Variants in ZNF516 observed in about 807,000 individuals in gnomAD.
ZNF516 encodes zinc finger protein 516.
In ZNF516, 19 loss-of-function variants were observed where a neutral mutation model predicts 79.7. That is an observed-to-expected ratio of 0.24 (90% CI 0.17 to 0.35). The LOEUF is 0.35. Ranked by LOEUF, ZNF516 falls within the 10% of genes least tolerant of loss-of-function variation. ZNF516 has a pLI of 1.00. For missense variants in ZNF516, 1,678 were observed against 1,679.5 expected (o/e 1.00, Z 0.02); for synonymous variants, 877 against 739.5 (o/e 1.19, Z -3.02).
chr18:76,396,818 G>A (rs1469970810), intron 3 of ZNF516, among the ~76,000 whole-genome samples: 2 of 152,186 alleles, frequency 1.3e-5, no homozygotes, highest in Non-Finnish European at 2.9e-5. Flanking sequence ...CCGGAGCACC[G>A]CTGTCAGACG....
chr18:76,481,512 G>A (rs1159844835), intron 1 of ZNF516, among the ~76,000 whole-genome samples: 3 of 152,200 alleles, frequency 2.0e-5, no homozygotes, highest in Admixed American at 2.0e-4. Context: ...CATGACCAGG[G>A]TCGGACACTC....
Position 76,467,583 on chromosome 18 carries a change from G to A in ZNF516, c.-271-4442C>T, listed in dbSNP as rs2145709233. Among the ~76,000 whole-genome samples, 1 of 152,294 alleles carries A rather than the reference G, an allele frequency of 6.6e-6. No individual in the cohort carries two copies. The highest frequency in any genetic ancestry group is 2.1e-4 in the South Asian group (1 of 4,824). ...AGGAGGGGACAAGGCTTCGGAGGCT[G>A]GTGGTGGGGAGGTCCAAACCAGAGG... On this transcript the variant is annotated intron_variant, in intron 1 of 6. Transcript: ENST00000443185. The surrounding 1 kb of genome is among the most constrained non-coding windows in gnomAD (Gnocchi z 4.2).
Position 76,441,395 on chromosome 18 carries a change from C to A in ZNF516, c.1660G>T (p.Ala554Ser), listed in dbSNP as rs1178561161. ...RDSDGDRAAR[A>S]RCGSLSEGDS... ...CCCTCACTGAGTGATCCGCAGCGGGCCCGCGCCGCCCTGTCCCCGTCACTG... is the reference window on the plus strand; with the variant it reads ...CCCTCACTGAGTGATCCGCAGCGGGACCGCGCCGCCCTGTCCCCGTCACTG... The change falls in exon 3 of 7, where the codon GCC (alanine) becomes TCC (serine). Residue 554 changes from alanine to serine, a missense_variant. Physicochemically the swap from Ala to Ser is moderately conservative, Grantham distance 99 (BLOSUM62 1). This residue lies in a region of ZNF516 where 1,294 missense variants were observed against 1,248.3 expected (regional missense o/e 1.04). Coordinates refer to ENST00000443185, the MANE Select transcript of ZNF516 (RefSeq NM_014643.4). 3 of 1,609,218 alleles carry A rather than the reference C, an allele frequency of 1.9e-6. No individual in the cohort carries two copies. Among genetic ancestry groups the A allele is most frequent in the Non-Finnish European group, 2.5e-6 (3 of 1,178,530 alleles).
chr18:76,460,167 G>A (rs1913010432), intron 2 of ZNF516, among the ~76,000 whole-genome samples: 1 of 152,172 alleles, frequency 6.6e-6, no homozygotes, highest in Non-Finnish European at 1.5e-5. Context: ...TCCTAGTGCT[G>A]TTAGCAATCA....
At chr18:76,469,918 T>C (rs1913726515) in intron 1 of ZNF516, among the ~76,000 whole-genome samples, 1 of 152,232 alleles carries the variant, frequency 6.6e-6, no homozygotes, top group Admixed American at 6.5e-5. Flanking sequence ...CTCAAAATCA[T>C]TTGAAATGCT....
At chr18:76,445,916 G>A (rs986524037) in intron 2 of ZNF516, among the ~76,000 whole-genome samples, 12 of 152,360 alleles carry the variant, frequency 7.9e-5, no homozygotes, top group Admixed American at 5.2e-4. Context: ...CCTTCTTTCA[G>A]AGCAGCAGCT....
chr18:76,397,743 G>A (rs78877516), intron 3 of ZNF516, among the ~76,000 whole-genome samples: 178 of 152,214 alleles, frequency 1.2e-3, no homozygotes, highest in Non-Finnish European at 1.9e-3. Flanking sequence ...CTCTACAGGC[G>A]TGTGCTACCA....
At chr18:76,466,726 C>G (rs1913495667) in intron 1 of ZNF516, among the ~76,000 whole-genome samples, 1 of 152,208 alleles carries the variant, frequency 6.6e-6, no homozygotes, top group African/African-American at 2.4e-5. Context: ...CACGTGCCTA[C>G]AGTGGGGGCT....
At chr18:76,382,282 T>G (rs575189835) in intron 3 of ZNF516, among the ~76,000 whole-genome samples, 4 of 152,062 alleles carry the variant, frequency 2.6e-5, no homozygotes, top group Non-Finnish European at 5.9e-5. Context: ...AACATGGAAT[T>G]AAGTATATGA....
intron 2 of ZNF516, among the ~76,000 whole-genome samples, 179 bp downstream of exon 2, chr18:76,462,849 T>C (rs1599129837): frequency 6.6e-6 from 1 of 152,206 alleles, no homozygotes; most frequent in East Asian, 1.9e-4. Flanking sequence ...TTCCCAGTTA[T>C]GTGCTCTGGT....
chr18:76,386,181 G>A (rs1002085164), intron 3 of ZNF516: 1 of 152,250 alleles, frequency 6.6e-6, no homozygotes, highest in South Asian at 2.1e-4. Context: ...CTAAGGGAAG[G>A]TTGGGGGCCC....
At position 76,486,348 on chromosome 18, in the gene ZNF516, C is replaced by G. The variant is rs149898442; in HGVS notation, c.-272+8796G>C. On this transcript the variant is annotated intron_variant, in intron 1 of 6. Transcript: ENST00000443185. ...GTTAAATAGTACCATATGGCAAAGA[C>G]AGACACATGTTGCCCTTTTCTGAAA... Among the ~76,000 whole-genome samples, 6 of 149,496 alleles carry G rather than the reference C, an allele frequency of 4.0e-5. No homozygotes were observed. In the East Asian group the frequency reaches 9.9e-4, roughly 25 times the overall value.
At chr18:76,488,309 G>C (rs1914951262) in intron 1 of ZNF516, 6 of 954,860 alleles carry the variant, frequency 6.3e-6, no homozygotes, top group Non-Finnish European at 7.5e-6. Context: ...TGGAAGTGAA[G>C]CTCCAAGGTG....
intron 3 of ZNF516, among the ~76,000 whole-genome samples, chr18:76,419,911 T>G (rs903528761): frequency 6.6e-6 from 1 of 152,234 alleles, no homozygotes; most frequent in African/African-American, 2.4e-5. Flanking sequence ...TCCTTTTATA[T>G]TCATTCCCAG....
intron 1 of ZNF516, among the ~76,000 whole-genome samples, chr18:76,473,623 A>T (rs1325027502): frequency 6.6e-6 from 1 of 151,906 alleles, no homozygotes; most frequent in Non-Finnish European, 1.5e-5. Context: ...AACACGGTGA[A>T]ACCCTGTCTC....
intron 3 of ZNF516, among the ~76,000 whole-genome samples, chr18:76,440,493 T>C (rs79690401): frequency 1.6e-3 from 251 of 152,334 alleles, no homozygotes; most frequent in African/African-American, 5.7e-3. Flanking sequence ...AAAACAATTA[T>C]GCAAAGCAAA....
rs1409441107 is a variant in ZNF516, at chr18:76,459,213, A to G, written c.-158+3815T>C. 6.6e-6 allele frequency among the ~76,000 whole-genome samples: 1 copy of G among 152,216 alleles called. No individual in the cohort carries two copies. Among genetic ancestry groups the G allele is most frequent in the Non-Finnish European group, 1.5e-5 (1 of 68,030 alleles). ...CCCACCTGCTGCCCCTCTCCTGTGC[A>G]TAGGGCGCTCTCTCCCTGCCCCGAG... On this transcript the variant is annotated intron_variant, in intron 2 of 6. Transcript: ENST00000443185. This position sits in a 1 kb window ranked among gnomAD's most constrained non-coding sequence, Gnocchi z 5.0.
rs563910323 is a variant in ZNF516 at position 76,437,451 on chromosome 18, T to TC, written c.1810+3793_1810+3794insG. ...TTCCTTCCCTTGACCATATTTTTTT[T>TC]TTCTTTGAAGACTCTTTCCTTGATT... On this transcript the variant is annotated intron_variant, in intron 3 of 6. Coordinates refer to ENST00000443185, the MANE Select transcript of ZNF516 (RefSeq NM_014643.4). 1.9e-4 allele frequency among the ~76,000 whole-genome samples: 29 copies of TC among 151,732 alleles called. 1 individual carries two copies. In the South Asian group the frequency reaches 6.0e-3, roughly 32 times the overall value.
intron 3 of ZNF516, among the ~76,000 whole-genome samples, chr18:76,435,137 A>G (rs949997121): frequency 2.6e-5 from 4 of 152,042 alleles, no homozygotes; most frequent in Admixed American, 6.6e-5. Flanking sequence ...CTTGAGTTAA[A>G]AGAGAGAGAG....
Sources: allele counts gnomAD v4.1 joint callset (sites outside exome capture counted in the v4.1 genomes callset), GRCh38; gene constraint gnomAD v4.1.1; regional missense constraint gnomAD v4.1.1; non-coding constraint Gnocchi (gnomAD v3.1); transcripts MANE v1.5; gene names NCBI Gene and HGNC (gene_info 2026-07-23, HGNC 2026-07-21).